NKAIN3: variants seen among roughly 807,000 people sequenced by gnomAD.
NKAIN3 encodes sodium/potassium transporting ATPase interacting 3.
NKAIN3 carries 25 observed loss-of-function variants against 30.2 expected under a neutral mutation model. The observed-to-expected ratio is 0.83, with a 90% CI of 0.60 to 1.16. NKAIN3 has a LOEUF of 1.16. Ranked by LOEUF, NKAIN3 falls within the 50% of genes most tolerant of loss-of-function variation. NKAIN3 has a pLI of 0.00. For missense variants in NKAIN3, 225 were observed against 254.1 expected (o/e 0.89, Z 0.78); for synonymous variants, 91 against 89.6 (o/e 1.02, Z -0.09).
intron 1 of NKAIN3, among the ~76,000 whole-genome samples, chr8:62,571,225 T>A (rs1261366391): frequency 2.0e-5 from 3 of 151,364 alleles, no homozygotes; most frequent in African/African-American, 7.3e-5. Context: ...AACCTCTGCC[T>A]CCCAGGTTTA....
chr8:62,533,891 G>A (rs945627138), intron 1 of NKAIN3, among the ~76,000 whole-genome samples: 2 of 152,130 alleles, frequency 1.3e-5, no homozygotes, highest in South Asian at 4.1e-4. Context: ...ATCCAGACTT[G>A]CAAGTTGCTA....
intron 3 of NKAIN3, among the ~76,000 whole-genome samples, chr8:62,624,090 T>A (rs906172947): frequency 1.3e-5 from 2 of 152,070 alleles, no homozygotes; most frequent in Non-Finnish European, 2.9e-5. Context: ...TCCTTTAGCA[T>A]GAAAATACAT....
chr8:62,763,356 A>G (rs1451735870), intron 4 of NKAIN3, among the ~76,000 whole-genome samples: 1 of 149,344 alleles, frequency 6.7e-6, no homozygotes, highest in Non-Finnish European at 1.5e-5. Flanking sequence ...TTCGGAATTG[A>G]TTGTCATTTC....
At chr8:62,545,396 G>A (rs1808972814) in intron 1 of NKAIN3, among the ~76,000 whole-genome samples, 1 of 152,090 alleles carries the variant, frequency 6.6e-6, no homozygotes, top group Non-Finnish European at 1.5e-5. Context: ...GACCAGCCCA[G>A]TCAGCATGGC....
At position 62,659,925 on chromosome 8, in the gene NKAIN3, C is replaced by T. The variant is rs536911869; in HGVS notation, c.273+70131C>T. 1.1e-4 allele frequency among the ~76,000 whole-genome samples: 16 copies of T among 152,298 alleles called. No individual in the cohort carries two copies. In the South Asian group the frequency reaches 3.3e-3, roughly 32 times the overall value. ...CCATCCATGTAAGACATGACTTGCT[C>T]CTCCTTGCCTTCTGCCATGATTGTG... On this transcript the variant is annotated intron_variant, in intron 3 of 6. Coordinates refer to ENST00000623646, the MANE Select transcript of NKAIN3 (RefSeq NM_001304533.3).
At chr8:62,856,566 A>G (rs1235726346) in intron 4 of NKAIN3, 4 of 784,280 alleles carry the variant, frequency 5.1e-6, no homozygotes, top group Admixed American at 3.4e-5. Flanking sequence ...TGTCATTGCC[A>G]TGGGGTTGTC....
chr8:62,746,674 T>C (rs1215536103), intron 3 of NKAIN3, among the ~76,000 whole-genome samples: 1 of 152,218 alleles, frequency 6.6e-6, no homozygotes, highest in Non-Finnish European at 1.5e-5. Context: ...AGATCTCATG[T>C]CTGGATTTTT....
chr8:62,703,991 A>G (rs1209271380), intron 3 of NKAIN3, among the ~76,000 whole-genome samples: 1 of 152,068 alleles, frequency 6.6e-6, no homozygotes, highest in Non-Finnish European at 1.5e-5. Context: ...ATATTGGTCC[A>G]TTTTCATCCA....
At chr8:62,864,295 G>A (rs1253486151) in intron 4 of NKAIN3, 11 of 1,324,724 alleles carry the variant, frequency 8.3e-6, no homozygotes, top group African/African-American at 1.5e-5. Context: ...TGAGGACCAG[G>A]AAGAGAAAGA....
chr8:62,967,811 T>C lies in NKAIN3; in HGVS notation c.*2404T>C, dbSNP rs921833. Among the ~76,000 whole-genome samples, 27,720 of 152,102 alleles carry C rather than the reference T, an allele frequency of 0.18. 2,672 individuals carry two copies. Among genetic ancestry groups the C allele is most frequent in the East Asian group, 0.29 (1,505 of 5,156 alleles). Reference sequence around the variant, plus strand: ...CCCACACATACACATGCAAATAAAATGTGGTTAACATTTCACAAAATAGAA... The same window carrying C: ...CCCACACATACACATGCAAATAAAACGTGGTTAACATTTCACAAAATAGAA... On this transcript the variant is annotated 3_prime_UTR_variant, in exon 7 of 7. Transcript: ENST00000623646.
At chr8:62,330,916 T>A (rs1815323999) in intron 1 of NKAIN3, among the ~76,000 whole-genome samples, 1 of 152,012 alleles carries the variant, frequency 6.6e-6, no homozygotes. Flanking sequence ...CACTGGTTCT[T>A]CTGCCACTGT....
rs944920694 is a variant in NKAIN3, at chr8:62,983,493, C to G, written c.*18086C>G. On this transcript the variant is annotated 3_prime_UTR_variant, in exon 7 of 7. Coordinates refer to ENST00000623646, the MANE Select transcript of NKAIN3 (RefSeq NM_001304533.3). ...GTGACCATCTGTCTTGTGCAAAAAG[C>G]TTGGGGAGTGATAAAAACAAATCAA... 2 of 152,272 alleles carry G rather than the reference C, an allele frequency of 1.3e-5. No individual in the cohort carries two copies. Among genetic ancestry groups the G allele is most frequent in the East Asian group, 3.9e-4 (2 of 5,166 alleles). The allele number at this position is 152,272 out of a possible 1,614,324, so 9.4% of individuals were successfully genotyped here.
intron 3 of NKAIN3, among the ~76,000 whole-genome samples, chr8:62,625,614 T>G (rs923577809): frequency 6.6e-6 from 1 of 152,156 alleles, no homozygotes; most frequent in Non-Finnish European, 1.5e-5. Context: ...CTCATCAGGT[T>G]GTGATAAATG....
chr8:62,747,938 T>G (rs1816137036), intron 4 of NKAIN3, among the ~76,000 whole-genome samples: 1 of 152,094 alleles, frequency 6.6e-6, no homozygotes, highest in East Asian at 1.9e-4. Context: ...CAATAGTAAA[T>G]AAATAGATAA....
In NKAIN3 at chr8:62,333,025, T is replaced by A. The variant is rs997459343; in HGVS notation, c.54+83898T>A. On this transcript the variant is annotated intron_variant, in intron 1 of 6. Coordinates refer to ENST00000623646, the MANE Select transcript of NKAIN3 (RefSeq NM_001304533.3). ...AAAAACAAAACCAACAAAAAACAGT[T>A]GTTTTTCCAGCACAATTCATGAGAT... 3.9e-5 allele frequency among the ~76,000 whole-genome samples: 6 copies of A among 152,142 alleles called. No homozygotes were observed. The East Asian group carries it at 1.2e-3, about 29-fold the overall frequency.
At chr8:62,522,804 AGT>A (rs1239525631) in intron 1 of NKAIN3, among the ~76,000 whole-genome samples, 2 of 152,020 alleles carry the variant, frequency 1.3e-5, no homozygotes, top group Non-Finnish European at 2.9e-5. Flanking sequence ...ACAGCTGTAA[AGT>A]GCATTTGTGT....
intron 4 of NKAIN3, among the ~76,000 whole-genome samples, chr8:62,834,469 T>G (rs1819298126): frequency 2.0e-5 from 3 of 152,122 alleles, no homozygotes; most frequent in Admixed American, 2.0e-4. Context: ...ACAAATGAGT[T>G]CAGTAAAGTT....
chr8:62,762,280 C>A (rs1320268629), intron 4 of NKAIN3, among the ~76,000 whole-genome samples: 1 of 151,048 alleles, frequency 6.6e-6, no homozygotes, highest in East Asian at 2.0e-4. Flanking sequence ...AAGGCCAGTG[C>A]AGTCCAGCCT....
At chr8:62,378,214 G>C (rs899724674) in intron 1 of NKAIN3, among the ~76,000 whole-genome samples, 1 of 152,188 alleles carries the variant, frequency 6.6e-6, no homozygotes, top group Non-Finnish European at 1.5e-5. Flanking sequence ...CTGCCCTAGA[G>C]CTCTGTGGAG....
Sources: allele counts gnomAD v4.1 joint callset (sites outside exome capture counted in the v4.1 genomes callset), GRCh38; gene constraint gnomAD v4.1.1; transcripts MANE v1.5; gene names NCBI Gene and HGNC (gene_info 2026-07-23, HGNC 2026-07-21).